SCN9A: variants seen among roughly 807,000 people sequenced by gnomAD.
SCN9A encodes sodium channel protein type 9 subunit alpha.
Under a neutral mutation model 187.0 loss-of-function variants are expected in SCN9A, and 131 were observed. The observed-to-expected ratio is 0.70, with a 90% CI of 0.61 to 0.81. The LOEUF (loss-of-function observed/expected upper bound fraction) is 0.81. Among genes scored for constraint, SCN9A ranks in the 30% least tolerant of loss-of-function variants. SCN9A has a pLI of 0.00. For missense variants in SCN9A, 2,252 were observed against 2,396.6 expected (o/e 0.94, Z 1.26); for synonymous variants, 809 against 808.6 (o/e 1.00, Z -0.01).
chr2:166,357,342 G>C (rs72884789), intron 1 of SCN9A, among the ~76,000 whole-genome samples: 9,263 of 152,172 alleles, frequency 0.061, 387 homozygotes, highest in African/African-American at 0.11. Context: ...TTGTTACCTA[G>C]TGTAACGCCT....
intron 1 of SCN9A, among the ~76,000 whole-genome samples, chr2:166,338,743 C>T (rs1355838616): frequency 1.3e-5 from 2 of 151,994 alleles, no homozygotes; most frequent in African/African-American, 2.4e-5. Context: ...TCTTTTCTTT[C>T]GTGACCTGAC....
intron 10 of SCN9A, among the ~76,000 whole-genome samples, chr2:166,287,307 GTA>G (rs1352547435): frequency 6.6e-6 from 1 of 151,820 alleles, no homozygotes; most frequent in East Asian, 1.9e-4. Context: ...TTATATGTAT[GTA>G]TAATTTTAAA....
intron 14 of SCN9A, 105 bp downstream of exon 14, chr2:166,280,252 A>G: frequency 1.5e-6 from 1 of 688,906 alleles, no homozygotes; most frequent in South Asian, 2.0e-5. Flanking sequence ...CTGGATATGC[A>G]TAATTCTGAG....
At position 166,347,374 on chromosome 2, in the gene SCN9A, C is replaced by A. The variant is rs73025538; in HGVS notation, c.-51+28323G>T. On this transcript the variant is annotated intron_variant, in intron 1 of 26. Transcript: ENST00000642356. ...ATGAAAATAATTTCATAGCATTGTC[C>A]TAAATCCAGAGGGTTCATGAATCAT... Among the ~76,000 whole-genome samples the A allele has an allele frequency of 5.1e-3, 777 of 152,194 alleles. 6 individuals carry two copies. The highest frequency in any genetic ancestry group is 0.018 in the African/African-American group (745 of 41,538).
intron 16 of SCN9A, among the ~76,000 whole-genome samples, chr2:166,273,416 C>T (rs1170642494): frequency 1.3e-5 from 2 of 151,672 alleles, no homozygotes; most frequent in East Asian, 3.9e-4. Flanking sequence ...AATATTCTGT[C>T]CAAGAAGCGT....
intron 1 of SCN9A, among the ~76,000 whole-genome samples, chr2:166,367,420 G>A (rs542420738): frequency 6.6e-6 from 1 of 152,056 alleles, no homozygotes; most frequent in East Asian, 1.9e-4. Flanking sequence ...TGGCCACCAT[G>A]CCTGGATAGT....
Position 166,196,176 on chromosome 2 carries a change from T to C in SCN9A, c.*2496A>G, listed in dbSNP as rs2106332894. 6.6e-6 allele frequency: 1 copy of C among 152,208 alleles called. No homozygotes were observed. The highest frequency in any genetic ancestry group is 2.4e-5 in the African/African-American group (1 of 41,556). The allele number at this position is 152,208 out of a possible 1,614,324, so 9.4% of individuals were successfully genotyped here. A position where few individuals can be genotyped will look rare whatever the true frequency, so the allele number is the denominator to read the frequency against. ...TAAAATTTAAATATTAATATGACAG[T>C]GCCTTCTGAAGGGTGAAACCATCAG... is the stretch of plus-strand genomic sequence containing the variant. On this transcript the variant is annotated 3_prime_UTR_variant, in exon 27 of 27. Transcript: ENST00000642356.
intron 1 of SCN9A, among the ~76,000 whole-genome samples, chr2:166,368,635 T>C (rs1700475847): frequency 7.3e-6 from 1 of 136,118 alleles, no homozygotes; most frequent in African/African-American, 2.8e-5. Context: ...CGGCACACCT[T>C]TACCTATGTA....
rs2106469141 is a variant in SCN9A at position 166,277,199 on chromosome 2, C to T, written c.2658G>A (p.Gln886=). Residue 886 remains glutamine (Q), a synonymous_variant, in exon 16 of 27, where the codon CAG becomes CAA. Coordinates refer to ENST00000642356, the MANE Select transcript of SCN9A (RefSeq NM_001365536.1). ...ATTCTTTGTAGCTCTTACCAAAGAG[C>T]TGCATGCCGACCACAGCAAAAATGA... ...IVFIFAVVGM[Q]LFGKSYKECV... is the part of the protein sequence containing the mutation. 6.2e-7 allele frequency: 1 copy of T among 1,614,092 alleles called. No individual in the cohort carries two copies. Among genetic ancestry groups the T allele is most frequent in the Non-Finnish European group, 8.5e-7 (1 of 1,179,982 alleles).
At chr2:166,290,251 C>A (rs973098739) in intron 9 of SCN9A, among the ~76,000 whole-genome samples, 1 of 152,040 alleles carries the variant, frequency 6.6e-6, no homozygotes, top group South Asian at 2.1e-4. Context: ...TGATCTCATT[C>A]TTTTTTAATG....
chr2:166,286,652 A>G (rs765301190), intron 10 of SCN9A, 29 bp from the exon 11 acceptor site: 5 of 1,476,560 alleles, frequency 3.4e-6, no homozygotes, highest in South Asian at 1.5e-5. Flanking sequence ...TAACACTTAA[A>G]TGAGTCATTT....
intron 18 of SCN9A, among the ~76,000 whole-genome samples, chr2:166,251,104 G>A (rs189982373): frequency 3.9e-5 from 6 of 152,202 alleles, no homozygotes; most frequent in Admixed American, 3.3e-4. Context: ...CAAGAGTGAG[G>A]TTAGAGGTAA....
chr2:166,347,971 A>G (rs939321812), intron 1 of SCN9A, among the ~76,000 whole-genome samples: 3 of 152,192 alleles, frequency 2.0e-5, no homozygotes, highest in African/African-American at 7.2e-5. Flanking sequence ...TGAATTCCAG[A>G]TAAGTCCAGG....
intron 17 of SCN9A, among the ~76,000 whole-genome samples, chr2:166,254,195 G>C (rs1696167877): frequency 6.6e-6 from 1 of 151,430 alleles, no homozygotes; most frequent in Non-Finnish European, 1.5e-5. Flanking sequence ...CAATGGGACA[G>C]AAATTATCAA....
intron 17 of SCN9A, among the ~76,000 whole-genome samples, chr2:166,266,755 T>C (rs1332901113): frequency 6.6e-6 from 1 of 151,914 alleles, no homozygotes; most frequent in Non-Finnish European, 1.5e-5. Flanking sequence ...TTTTATAGTT[T>C]TCATTGTAAA....
At chr2:166,240,131 AACTGT>A (rs1695500853) in intron 19 of SCN9A, among the ~76,000 whole-genome samples, 2 of 152,200 alleles carry the variant, frequency 1.3e-5, no homozygotes, top group African/African-American at 2.4e-5. Flanking sequence ...CAACTTTTAA[AACTGT>A]ACCCAGCTTC....
intron 1 of SCN9A, among the ~76,000 whole-genome samples, chr2:166,368,987 CAA>C (rs1329733105): frequency 1.1e-4 from 13 of 122,664 alleles, no homozygotes; most frequent in Non-Finnish European, 8.8e-5. Context: ...AACTCGGTCT[CAA>C]AAAAAAAAAA....
intron 24 of SCN9A, among the ~76,000 whole-genome samples, chr2:166,209,233 T>C (rs1016406242): frequency 6.6e-6 from 1 of 151,976 alleles, no homozygotes; most frequent in East Asian, 1.9e-4. Context: ...TGGCTATTCT[T>C]CCAATGCACA....
Position 166,369,868 on chromosome 2 carries a change from C to T in SCN9A, c.-51+5829G>A, listed in dbSNP as rs533107673. Among the ~76,000 whole-genome samples the T allele has an allele frequency of 1.1e-4, 17 of 152,010 alleles. No homozygotes were observed. In the South Asian group the frequency reaches 3.3e-3, roughly 30 times the overall value. On this transcript the variant is annotated intron_variant, in intron 1 of 26. Coordinates refer to ENST00000642356, the MANE Select transcript of SCN9A (RefSeq NM_001365536.1). ...AATTTTTTTGTAGAAACAGATTTTC[C>T]TTTTATTGCCCAGGCTGATCTAGAA...
Sources: gnomAD v4.1 joint callset for allele counts (sites outside exome capture counted in the v4.1 genomes callset) on GRCh38, gnomAD v4.1.1 for gene constraint, MANE v1.5 for transcripts, NCBI Gene and HGNC (gene_info 2026-07-23, HGNC 2026-07-21) for gene names.